Variants in GRIK2 observed in about 807,000 individuals in gnomAD.
The protein encoded by GRIK2 is glutamate receptor ionotropic, kainate 2.
GRIK2 carries 32 observed loss-of-function variants against 100.3 expected under a neutral mutation model. That is an observed-to-expected ratio of 0.32 (90% CI 0.24 to 0.43). The LOEUF (loss-of-function observed/expected upper bound fraction) is 0.43. Among genes scored for constraint, GRIK2 ranks in the 20% least tolerant of loss-of-function variants. The pLI is 1.00. For missense variants in GRIK2, 843 were observed against 1,114.9 expected (o/e 0.76, Z 3.47); for synonymous variants, 417 against 389.4 (o/e 1.07, Z -0.83).
chr6:101,988,566 T>C (rs997857106), intron 14 of GRIK2, among the ~76,000 whole-genome samples: 1 of 151,798 alleles, frequency 6.6e-6, no homozygotes, highest in Non-Finnish European at 1.5e-5. Flanking sequence ...GCTCTGTGAC[T>C]TATCTGTAAA....
intron 7 of GRIK2, among the ~76,000 whole-genome samples, chr6:101,689,739 A>G (rs1035032528): frequency 6.6e-6 from 1 of 152,122 alleles, no homozygotes; most frequent in African/African-American, 2.4e-5. Flanking sequence ...TTCTTTTAAC[A>G]TATGATATCC....
chr6:101,449,551 A>G (rs1273875337), intron 2 of GRIK2, among the ~76,000 whole-genome samples: 3 of 151,740 alleles, frequency 2.0e-5, no homozygotes, highest in Non-Finnish European at 4.4e-5. Flanking sequence ...AAACTTGTGT[A>G]CTTTCATGCT....
chr6:101,551,490 T>TTA (rs1405110093), intron 2 of GRIK2, among the ~76,000 whole-genome samples: 1 of 152,188 alleles, frequency 6.6e-6, no homozygotes, highest in Non-Finnish European at 1.5e-5. Flanking sequence ...AGGACATTTA[T>TTA]GGTCTAAAAG....
intron 2 of GRIK2, among the ~76,000 whole-genome samples, chr6:101,581,094 C>T (rs1189044767): frequency 6.6e-6 from 1 of 151,696 alleles, no homozygotes; most frequent in African/African-American, 2.4e-5. Flanking sequence ...CTAGACTCTA[C>T]AATAGTGCCC....
At chr6:101,464,455 T>C (rs1294220086) in intron 2 of GRIK2, among the ~76,000 whole-genome samples, 1 of 151,040 alleles carries the variant, frequency 6.6e-6, no homozygotes, top group Non-Finnish European at 1.5e-5. Flanking sequence ...TATAAGTCAC[T>C]GCATTGTGCT....
chr6:101,687,271 G>GA (rs1771764608), intron 7 of GRIK2, among the ~76,000 whole-genome samples: 1 of 151,814 alleles, frequency 6.6e-6, no homozygotes, highest in Non-Finnish European at 1.5e-5. Context: ...TGTTATTTTT[G>GA]AAAATTATAA....
intron 14 of GRIK2, among the ~76,000 whole-genome samples, chr6:101,977,326 GC>G (rs1283890925): frequency 4.6e-5 from 7 of 151,736 alleles, no homozygotes; most frequent in Admixed American, 4.6e-4. Context: ...AATTAGAAGA[GC>G]CAAGATTTAT....
chr6:101,530,416 C>A (rs974944773), intron 2 of GRIK2, among the ~76,000 whole-genome samples: 1 of 151,712 alleles, frequency 6.6e-6, no homozygotes, highest in African/African-American at 2.4e-5. Context: ...AATATTTAAA[C>A]AGATACATTA....
chr6:101,788,266 A>T (rs1779573399), intron 7 of GRIK2, among the ~76,000 whole-genome samples: 2 of 151,362 alleles, frequency 1.3e-5, no homozygotes, highest in Admixed American at 6.6e-5. Context: ...TGTGCAGGTT[A>T]GTTACATATG....
At chr6:101,465,892 A>G (rs999828314) in intron 2 of GRIK2, among the ~76,000 whole-genome samples, 1 of 152,220 alleles carries the variant, frequency 6.6e-6, no homozygotes, top group Admixed American at 6.5e-5. Context: ...AGTTAATTCA[A>G]GTCTTATGGG....
At chr6:101,882,710 C>G (rs192178315) in intron 11 of GRIK2, among the ~76,000 whole-genome samples, 3 of 152,090 alleles carry the variant, frequency 2.0e-5, no homozygotes, top group Admixed American at 6.6e-5. Context: ...ATTAATATTT[C>G]TAAAACATAA....
In GRIK2 at chr6:101,598,602, A is replaced by AG. The variant is rs1490826549; in HGVS notation, c.116-23347_116-23346insG. Among the ~76,000 whole-genome samples, 7 of 143,092 alleles carry AG rather than the reference A, an allele frequency of 4.9e-5. No individual in the cohort carries two copies. In the Admixed American group the frequency reaches 5.1e-4, roughly 10 times the overall value. 93.9% of individuals were successfully genotyped at this position (143,092 alleles called of 152,430 possible). On this transcript the variant is annotated intron_variant, in intron 2 of 16. Coordinates refer to ENST00000369134, the MANE Select transcript of GRIK2 (RefSeq NM_021956.5). ...GGCTCTCTTCCTTAATAAAAAAAAA[A>AG]AAAAAAAAAGAAAGAAAAAAAATTT... is the stretch of plus-strand genomic sequence containing the variant.
At chr6:101,801,742 C>T (rs1201211262) in intron 8 of GRIK2, among the ~76,000 whole-genome samples, 1 of 151,782 alleles carries the variant, frequency 6.6e-6, no homozygotes, top group African/African-American at 2.4e-5. Context: ...TAGGGTTGAA[C>T]ATATTATACA....
At chr6:101,612,678 G>A (rs1779731317) in intron 2 of GRIK2, among the ~76,000 whole-genome samples, 1 of 150,926 alleles carries the variant, frequency 6.6e-6, no homozygotes, top group Non-Finnish European at 1.5e-5. Context: ...TATTTCAAAA[G>A]CTCACAATGA....
At chr6:101,742,691 A>T (rs575408149) in intron 7 of GRIK2, among the ~76,000 whole-genome samples, 1 of 152,346 alleles carries the variant, frequency 6.6e-6, no homozygotes, top group East Asian at 1.9e-4. Flanking sequence ...AAGACCTGGG[A>T]TCAATAGAAA....
chr6:101,701,905 T>C (rs1394770670), intron 7 of GRIK2, among the ~76,000 whole-genome samples: 1 of 152,006 alleles, frequency 6.6e-6, no homozygotes, highest in African/African-American at 2.4e-5. Context: ...GTAGAAGTTC[T>C]CTTAACCCAC....
rs529363841 is a variant in GRIK2 at position 101,520,252 on chromosome 6, GTTAACTGCTATTATCT to G, written c.116-101695_116-101680del. 2.8e-3 allele frequency among the ~76,000 whole-genome samples: 426 copies of G among 151,558 alleles called. 2 individuals are homozygous for G. Among genetic ancestry groups the G allele is most frequent in the African/African-American group, 9.6e-3 (396 of 41,356 alleles). On this transcript the variant is annotated intron_variant, in intron 2 of 16. Transcript: ENST00000369134. ...TTCAAACTTTTTCTTAAATGTATTAGTTAACTGCTATTATCTTAGGAAAATTTCTTCCTTAATTTTG... is the reference window on the plus strand; with the variant it reads ...TTCAAACTTTTTCTTAAATGTATTAGTAGGAAAATTTCTTCCTTAATTTTG...
chr6:101,915,501 A>G (rs1003360854), intron 12 of GRIK2, among the ~76,000 whole-genome samples: 15 of 151,502 alleles, frequency 9.9e-5, no homozygotes, highest in Non-Finnish European at 2.1e-4. Flanking sequence ...AGAGCATGCC[A>G]CTGAAAAGAA....
chr6:101,537,451 T>C (rs200326436), intron 2 of GRIK2, among the ~76,000 whole-genome samples: 1 of 129,500 alleles, frequency 7.7e-6, no homozygotes, highest in East Asian at 3.0e-4. Context: ...TTTGTGTGTG[T>C]GTGCGTGTGT....
Sources: gnomAD v4.1 joint callset for allele counts (sites outside exome capture counted in the v4.1 genomes callset) on GRCh38, gnomAD v4.1.1 for gene constraint, MANE v1.5 for transcripts, NCBI Gene and HGNC (gene_info 2026-07-23, HGNC 2026-07-21) for gene names.